PRPF40B: variants seen among roughly 807,000 people sequenced by gnomAD.
PRPF40B encodes pre-mRNA processing factor 40B.
Under a neutral mutation model 124.5 loss-of-function variants are expected in PRPF40B, and 56 were observed. The observed-to-expected ratio is 0.45, with a 90% confidence interval of 0.36 to 0.56. The LOEUF (loss-of-function observed/expected upper bound fraction) is 0.56. Among genes scored for constraint, PRPF40B ranks in the 20% least tolerant of loss-of-function variants. The pLI is 0.00. For synonymous variants in PRPF40B, 443 were observed against 426.4 expected (o/e 1.04, Z -0.48); for missense variants, 1,053 against 1,169.5 (o/e 0.90, Z 1.45).
rs1455785975 is a variant in PRPF40B, at chr12:49,644,378, C to G, written c.*186C>G. 4.5e-6 allele frequency: 3 copies of G among 664,282 alleles called. No individual in the cohort carries two copies. In the African/African-American group the frequency reaches 5.4e-5, roughly 12 times the overall value. 41.1% of individuals were successfully genotyped at this position (664,282 alleles called of 1,614,324 possible). On this transcript the variant is annotated 3_prime_UTR_variant, in exon 26 of 26. Transcript: ENST00000548825. ...TTGGTGTTCAAGGGTCCCCTACTCC[C>G]TGGACTAGTGCAGTCCTTGCCCTCA...
intron 16 of PRPF40B, 118 bp downstream of exon 16, chr12:49,636,967 C>G (rs1201907110): frequency 1.4e-6 from 2 of 1,462,418 alleles, no homozygotes; most frequent in Admixed American, 1.9e-5. Flanking sequence ...TAGCCCTGTC[C>G]AAGCTCTATG....
chr12:49,623,613 G>A lies in PRPF40B; in HGVS notation c.3+20G>A. ...GGCATGGTAACATCCCCGCGCGGGG[G>A]TGGAGGGGCTCGGGGCGGTCCCACA... On this transcript the variant is annotated intron_variant, in intron 1 of 25. Transcript: ENST00000548825. 1 of 1,233,408 alleles carries A rather than the reference G, an allele frequency of 8.1e-7. No homozygotes were observed. Among genetic ancestry groups the A allele is most frequent in the Non-Finnish European group, 1.0e-6 (1 of 988,546 alleles). The allele number at this position is 1,233,408 out of a possible 1,614,324, so 76.4% of individuals were successfully genotyped here. A position where few individuals can be genotyped will look rare whatever the true frequency, so the allele number is the denominator to read the frequency against.
Position 49,631,556 on chromosome 12 carries a change from T to C in PRPF40B, c.228+12T>C. 6.5e-7 allele frequency: 1 copy of C among 1,548,186 alleles called. No homozygotes were observed. Among genetic ancestry groups the C allele is most frequent in the Non-Finnish European group, 8.7e-7 (1 of 1,152,766 alleles). ...CACCACTCACACAGGTAATTGTCTC[T>C]CCTCCCCTGGGGCCTCAGAAAACCC... On this transcript the variant is annotated intron_variant, in intron 3 of 25. Transcript: ENST00000548825. The surrounding 1 kb of genome is among the most constrained non-coding windows in gnomAD (Gnocchi z 4.3).
rs1315535679 is a variant in PRPF40B at position 49,643,846 on chromosome 12, T to C, written c.2443-15T>C. ...ATCCACAGGAACTGAGGAGGTGGGC[T>C]CTGGACTCTTACAGAATAGTCCTGA... On this transcript the variant is annotated splice_polypyrimidine_tract_variant and intron_variant, in intron 24 of 25. Transcript: ENST00000548825. 1 of 1,614,154 alleles carries C rather than the reference T, an allele frequency of 6.2e-7. No homozygotes were observed. The highest frequency in any genetic ancestry group is 1.3e-5 in the African/African-American group (1 of 75,032).
chr12:49,643,593 A>G, intron 23 of PRPF40B, 98 bp from the exon 24 acceptor site: 1 of 1,417,332 alleles, frequency 7.1e-7, no homozygotes, highest in Non-Finnish European at 9.6e-7. Flanking sequence ...TCAGAGCATG[A>G]GGTTCCTGCC....
In PRPF40B at chr12:49,631,816, G is replaced by T; in HGVS notation, c.229-44G>T. 6.3e-7 allele frequency: 1 copy of T among 1,578,216 alleles called. No individual in the cohort carries two copies. ...GAGGTACCCTGTCCCTCCTGTTCCA[G>T]CCCTTACCTTGGTGGTTGGTTTCTG... On this transcript the variant is annotated intron_variant, in intron 3 of 25. Coordinates refer to ENST00000548825, the MANE Select transcript of PRPF40B (RefSeq NM_001031698.3). This position sits in a 1 kb window ranked among gnomAD's most constrained non-coding sequence, Gnocchi z 4.3.
intron 24 of PRPF40B, 27 bp downstream of exon 24, chr12:49,643,779 C>G: frequency 6.2e-7 from 1 of 1,613,668 alleles, no homozygotes; most frequent in Non-Finnish European, 8.5e-7. Flanking sequence ...CTACCTAAGC[C>G]CCTGCTATTT....
In PRPF40B at chr12:49,630,552, C is replaced by A; in HGVS notation, c.11C>A (p.Pro4His). Reference sequence around the variant, plus strand: ...TTTTCTCTCCCTCAACAGTCGGTTCCCGATTCTGGTCCCCGGCCCCCAGCA... The same window carrying A: ...TTTTCTCTCCCTCAACAGTCGGTTCACGATTCTGGTCCCCGGCCCCCAGCA... MSV[P>H]DSGPRPPAAP... is the part of the protein sequence containing the mutation. The change falls in exon 2 of 26, where the codon CCC becomes CAC. Residue 4 changes from proline (P) to histidine (H), a missense_variant. By Grantham distance (77) the Pro-to-His change is moderately conservative. Around this residue, in one of 2 missense-constraint regions of PRPF40B, gnomAD observed 158 missense variants for 117.3 expected, o/e 1.35. Coordinates refer to ENST00000548825, the MANE Select transcript of PRPF40B (RefSeq NM_001031698.3). 7.2e-7 allele frequency: 1 copy of A among 1,382,930 alleles called. No individual in the cohort carries two copies. Among genetic ancestry groups the A allele is most frequent in the Non-Finnish European group, 1.0e-6 (1 of 983,504 alleles). 85.7% of individuals were successfully genotyped at this position (1,382,930 alleles called of 1,614,324 possible).
chr12:49,637,447 A>G (rs767244372), intron 16 of PRPF40B, 23 bp from the exon 17 acceptor site: 23 of 1,563,708 alleles, frequency 1.5e-5, no homozygotes, highest in South Asian at 3.3e-5. Flanking sequence ...CACTCTCCCT[A>G]TAACTGGCCT....
chr12:49,632,453 G>C, intron 4 of PRPF40B, 143 bp from the exon 5 acceptor site: 2 of 849,756 alleles, frequency 2.4e-6, no homozygotes, highest in South Asian at 3.4e-5. Context: ...CCTGAAGGGT[G>C]GGGGAAGCCT....
chr12:49,637,106 G>GCAGCTAGGC, intron 16 of PRPF40B: 2 of 596,894 alleles, frequency 3.4e-6, no homozygotes. Context: ...GCATGACTTG[G>GCAGCTAGGC]CAGCTAGGCC....
In PRPF40B at chr12:49,642,511, T is replaced by C; in HGVS notation, c.2023-69T>C. On this transcript the variant is annotated intron_variant, in intron 20 of 25. Transcript: ENST00000548825. The surrounding 1 kb of genome is among the most constrained non-coding windows in gnomAD (Gnocchi z 5.8). ...CTTTCTCTGCCCCAGCCCTGCCCTG[T>C]GCTCATGGCGGTGTCCAGGCCAGGC... 2 of 1,586,610 alleles carry C rather than the reference T, an allele frequency of 1.3e-6. No individual in the cohort carries two copies. Among genetic ancestry groups the C allele is most frequent in the African/African-American group, 2.7e-5 (2 of 74,442 alleles).
chr12:49,635,160 A>G lies in PRPF40B; in HGVS notation c.1063A>G (p.Lys355Glu), dbSNP rs1317868299. Residue 355 changes from lysine to glutamate, a missense_variant, in exon 13 of 26, where the codon AAG (lysine) becomes GAG (glutamate). This residue lies in a region of PRPF40B where 895 missense variants were observed against 1,052.2 expected (regional missense o/e 0.85). Transcript: ENST00000548825. The surrounding 1 kb of genome is among the most constrained non-coding windows in gnomAD (Gnocchi z 4.1). ...CAATGCCTACAAGGCGCAGCGGGAGAAGGAGGAGAAGGAGGAGGCCCGGCT... is the reference window on the plus strand; with the variant it reads ...CAATGCCTACAAGGCGCAGCGGGAGGAGGAGGAGAAGGAGGAGGCCCGGCT... ...AFNAYKAQRE[K>E]EEKEEARLRA... 4.3e-6 allele frequency: 7 copies of G among 1,613,986 alleles called. No homozygotes were observed. Among genetic ancestry groups the G allele is most frequent in the South Asian group, 2.2e-5 (2 of 91,080 alleles).
Position 49,633,006 on chromosome 12 carries a change from C to CCA in PRPF40B, c.349-6_349-5dup. On this transcript the variant is annotated splice_polypyrimidine_tract_variant and splice_region_variant and intron_variant, in intron 6 of 25. Transcript: ENST00000548825. ...TGACCACCATTCTGTGCCCCCCCCC[C>CCA]CACCCAGAGGGCCCTATGGAGTGAG... The CCA allele has an allele frequency of 1.1e-6, 1 of 896,652 alleles. No homozygotes were observed. Among genetic ancestry groups the CCA allele is most frequent in the Non-Finnish European group, 1.7e-6 (1 of 590,568 alleles). 55.5% of individuals were successfully genotyped at this position (896,652 alleles called of 1,614,324 possible). A position where few individuals can be genotyped will look rare whatever the true frequency, so the allele number is the denominator to read the frequency against.
chr12:49,631,346 C>T lies in PRPF40B; in HGVS notation c.85-55C>T. On this transcript the variant is annotated intron_variant, in intron 2 of 25. Coordinates refer to ENST00000548825, the MANE Select transcript of PRPF40B (RefSeq NM_001031698.3). This position sits in a 1 kb window ranked among gnomAD's most constrained non-coding sequence, Gnocchi z 4.3. ...ATATTTCCTGACAGGTCCTCTCTAC[C>T]TCTGACAAGGCGATGTCTTCCCTGC... is the stretch of plus-strand genomic sequence containing the variant. The T allele has an allele frequency of 1.5e-6, 2 of 1,352,930 alleles. No individual in the cohort carries two copies. The highest frequency in any genetic ancestry group is 2.7e-5 in the Admixed American group (1 of 37,360). 83.8% of individuals were successfully genotyped at this position (1,352,930 alleles called of 1,614,324 possible).
At chr12:49,632,831 A>T (rs1165940417) in intron 5 of PRPF40B, 24 bp from the exon 6 acceptor site, 1 of 1,613,824 alleles carries the variant, frequency 6.2e-7, no homozygotes. Context: ...AGGACTTAGT[A>T]TGTATCCTTT....
At chr12:49,623,738 G>A in intron 1 of PRPF40B, 145 bp downstream of exon 1, 1 of 961,022 alleles carries the variant, frequency 1.0e-6, no homozygotes, top group African/African-American at 1.8e-5. Context: ...TGAGGGAAGA[G>A]AGCCCGGGAG....
intron 12 of PRPF40B, 172 bp downstream of exon 12, chr12:49,634,774 G>T: frequency 1.4e-6 from 1 of 721,184 alleles, no homozygotes; most frequent in Non-Finnish European, 2.3e-6. Flanking sequence ...GAGAAGGAAA[G>T]GAAAGGTATC....
chr12:49,634,846 G>A (rs1324435641), intron 12 of PRPF40B: 5 of 633,652 alleles, frequency 7.9e-6, no homozygotes, highest in South Asian at 2.1e-5. Context: ...ATTAATTGGG[G>A]AATGAGGGTG....
Sources: gnomAD v4.1 joint callset for allele counts on GRCh38, gnomAD v4.1.1 for gene constraint, gnomAD v4.1.1 regional missense constraint, Gnocchi (gnomAD v3.1) non-coding constraint, MANE v1.5 for transcripts, NCBI Gene and HGNC (gene_info 2026-07-23, HGNC 2026-07-21) for gene names.